Variants in DNAH10 observed in about 807,000 individuals in gnomAD.
DNAH10 encodes the protein axonemal beta dynein heavy chain 10.
A neutral mutation model predicts 506.6 loss-of-function variants in DNAH10; 348 were observed. The observed-to-expected ratio is 0.69, with a 90% CI of 0.63 to 0.75. DNAH10 has a LOEUF of 0.75. Ranked by LOEUF, DNAH10 falls within the 30% of genes least tolerant of loss-of-function variation. The probability of loss-of-function intolerance (pLI) is 0.00; values close to 1 mark genes in which losing one functional copy is unlikely to be tolerated. For synonymous variants in DNAH10, 2,059 were observed against 2,198.6 expected, an observed-to-expected ratio of 0.94 and a Z score of 1.78; for missense variants, 5,179 against 5,787.1, an observed-to-expected ratio of 0.89 and a Z score of 3.41.
At position 123,919,857 on chromosome 12, in the gene DNAH10, G is replaced by T. The variant is rs186907808; in HGVS notation, c.11506+908G>T. Among the ~76,000 whole-genome samples the T allele has an allele frequency of 6.6e-6, 1 of 152,172 alleles. No individual in the cohort carries two copies. Among genetic ancestry groups the T allele is most frequent in the South Asian group, 2.1e-4 (1 of 4,822 alleles). On this transcript the variant is annotated intron_variant, in intron 65 of 78. Coordinates refer to ENST00000673944, the MANE Select transcript of DNAH10 (RefSeq NM_001372106.1). This position sits in a 1 kb window ranked among gnomAD's most constrained non-coding sequence, Gnocchi z 4.9. The stretch of plus-strand genomic sequence containing the variant: ...CAGACCGCACTGTGTTTATCCACCC[G>T]TCACCTGATGGGCATTTGGGTTGTT...
rs750299404 is a variant in DNAH10, at chr12:123,838,532, A to T, written c.4979A>T (p.Asn1660Ile). The T allele has an allele frequency of 1.2e-5, 19 of 1,613,914 alleles. No homozygotes were observed. Among genetic ancestry groups the T allele is most frequent in the African/African-American group, 2.7e-5 (2 of 74,932 alleles). ...CCAAACCGCCTCAGTGACCTACAGA[A>T]CGTCAGCGAGGGCCTGGAGAAATGC... ...EAPNRLSDLQNVSEGLEKCQK... is the reference protein window; with the variant it reads ...EAPNRLSDLQIVSEGLEKCQK... The change falls in exon 29 of 79, where the codon AAC (asparagine) becomes ATC (isoleucine). Residue 1660 changes from asparagine to isoleucine, a missense_variant. Physicochemically the swap from Asn to Ile is moderately radical, Grantham distance 149 (BLOSUM62 -3). This residue lies in a region of DNAH10 where 4,844 missense variants were observed against 5,430.5 expected (regional missense o/e 0.89). Transcript: ENST00000673944.
At chr12:123,789,211 C>T (rs1425002713) in intron 10 of DNAH10, among the ~76,000 whole-genome samples, 1 of 152,030 alleles carries the variant, frequency 6.6e-6, no homozygotes, top group African/African-American at 2.4e-5. Context: ...TGCCACTGCA[C>T]TCCAGCCTGG....
intron 26 of DNAH10, among the ~76,000 whole-genome samples, chr12:123,831,719 C>T (rs1227967397): frequency 2.0e-5 from 3 of 151,872 alleles, no homozygotes; most frequent in Non-Finnish European, 2.9e-5. Flanking sequence ...GGTGAAACCC[C>T]GTCTCTACTA....
intron 43 of DNAH10, 100 bp from the exon 44 acceptor site, chr12:123,870,266 T>C: frequency 2.7e-6 from 4 of 1,472,856 alleles, no homozygotes; most frequent in Non-Finnish European, 3.7e-6. Context: ...ATGGCCTCCG[T>C]GCAGTACAAG....
chr12:123,799,507 G>T (rs1427457114), intron 14 of DNAH10, 136 bp downstream of exon 14: 2 of 1,229,044 alleles, frequency 1.6e-6, no homozygotes, highest in East Asian at 5.2e-5. Context: ...GGCTAGGGGA[G>T]GAGGAGAAAG....
chr12:123,915,330 G>A (rs1024537286), intron 62 of DNAH10, among the ~76,000 whole-genome samples: 2 of 152,160 alleles, frequency 1.3e-5, no homozygotes, highest in African/African-American at 2.4e-5. Context: ...GGGATGCAGG[G>A]GAGGAGAGGG....
chr12:123,928,234 G>T lies in DNAH10; in HGVS notation c.12106-153G>T. The T allele has an allele frequency of 1.2e-6, 1 of 835,456 alleles. No homozygotes were observed. Among genetic ancestry groups the T allele is most frequent in the South Asian group, 1.8e-5 (1 of 55,674 alleles). 51.8% of individuals were successfully genotyped at this position (835,456 alleles called of 1,614,324 possible). A position where few individuals can be genotyped will look rare whatever the true frequency, so the allele number is the denominator to read the frequency against. Reference sequence around the variant, plus strand: ...GGGGTTTCTCAAAGATGGTTTATTTGAAGGCTCCACCTGTAGCTCCTGGAT... The same window carrying T: ...GGGGTTTCTCAAAGATGGTTTATTTTAAGGCTCCACCTGTAGCTCCTGGAT... On this transcript the variant is annotated intron_variant, in intron 69 of 78. Coordinates refer to ENST00000673944, the MANE Select transcript of DNAH10 (RefSeq NM_001372106.1). The surrounding 1 kb of genome is among the most constrained non-coding windows in gnomAD (Gnocchi z 4.9).
rs116538988 is a variant in DNAH10, at chr12:123,821,632, C to T, written c.4179+874C>T. On this transcript the variant is annotated intron_variant, in intron 24 of 78. Transcript: ENST00000673944. The stretch of plus-strand genomic sequence containing the variant: ...ACAGGCATGAGCCATTGCACCCAGC[C>T]TGGAATTACATATTTTAAAATGATT... 9.4e-3 allele frequency among the ~76,000 whole-genome samples: 1,434 copies of T among 152,262 alleles called. 12 individuals carry two copies. The highest frequency in any genetic ancestry group is 0.031 in the African/African-American group (1,296 of 41,548).
chr12:123,811,434 T>C (rs1958928527), intron 19 of DNAH10, among the ~76,000 whole-genome samples: 2 of 152,132 alleles, frequency 1.3e-5, no homozygotes, highest in Non-Finnish European at 2.9e-5. Flanking sequence ...GTGATTCTCC[T>C]GCCTCAGCCT....
chr12:123,859,121 T>C (rs761972777), intron 37 of DNAH10, 29 bp from the exon 38 acceptor site: 2 of 1,577,494 alleles, frequency 1.3e-6, no homozygotes, highest in Admixed American at 1.8e-5. Context: ...GATAATGTTT[T>C]AGCCCAGCTG....
intron 55 of DNAH10, 32 bp downstream of exon 55, chr12:123,897,999 G>C: frequency 6.6e-7 from 1 of 1,522,346 alleles, no homozygotes. Flanking sequence ...GTTGACAAAA[G>C]TCATTATTAT....
At chr12:123,772,710 ACATTGTCAGAACATGAGACCAGC>A in intron 3 of DNAH10, 101 bp from the exon 4 acceptor site, 2 of 703,414 alleles carry the variant, frequency 2.8e-6, no homozygotes, top group East Asian at 5.5e-5. Flanking sequence ...GGCTGTGGCT[ACATTGTCAGAACATGAGACCAGC>A]CATTGTGTTG....
rs181214745 is a variant in DNAH10, at chr12:123,892,769, G to A, written c.8996-464G>A. The stretch of plus-strand genomic sequence containing the variant: ...GCGTGCCGTTGACATTTGGGGCTGG[G>A]CTGTTCTTTGTTGTGGTGGGGCTCT... On this transcript the variant is annotated intron_variant, in intron 52 of 78. Coordinates refer to ENST00000673944, the MANE Select transcript of DNAH10 (RefSeq NM_001372106.1). 1.6e-3 allele frequency among the ~76,000 whole-genome samples: 238 copies of A among 152,364 alleles called. 1 individual carries two copies. Among genetic ancestry groups the A allele is most frequent in the Admixed American group, 3.7e-3 (57 of 15,312 alleles).
At chr12:123,838,773 T>C in intron 29 of DNAH10, 84 bp downstream of exon 29, 1 of 1,284,482 alleles carries the variant, frequency 7.8e-7, no homozygotes, top group Non-Finnish European at 1.1e-6. Context: ...GCCATGAGGT[T>C]CAACCCAGAG....
intron 48 of DNAH10, among the ~76,000 whole-genome samples, chr12:123,878,984 G>GCA (rs1451639126): frequency 6.6e-6 from 1 of 152,206 alleles, no homozygotes; most frequent in Non-Finnish European, 1.5e-5. Flanking sequence ...TAGGGATGAT[G>GCA]TCAGGTACTT....
intron 47 of DNAH10, 131 bp from the exon 48 acceptor site, chr12:123,877,605 C>T (rs377511996): frequency 2.2e-5 from 28 of 1,288,100 alleles, no homozygotes; most frequent in African/African-American, 1.5e-4. Context: ...CATGAGCCAC[C>T]GTGACTGGCC....
At position 123,913,319 on chromosome 12, in the gene DNAH10, A is replaced by G. The variant is rs759622932; in HGVS notation, c.10352+4A>G. 3.8e-6 allele frequency: 6 copies of G among 1,581,394 alleles called. No homozygotes were observed. The highest frequency in any genetic ancestry group is 5.2e-6 in the Non-Finnish European group (6 of 1,163,600). On this transcript the variant is annotated splice_donor_region_variant and intron_variant, in intron 60 of 78. Coordinates refer to ENST00000673944, the MANE Select transcript of DNAH10 (RefSeq NM_001372106.1). This position sits in a 1 kb window ranked among gnomAD's most constrained non-coding sequence, Gnocchi z 5.1. The stretch of plus-strand genomic sequence containing the variant: ...GTCTGGGGTCAGAAAACATCAGGTT[A>G]GCGCTGCTCACGAGCCCACCTGTTG...
chr12:123,914,421 C>G lies in DNAH10; in HGVS notation c.10445C>G (p.Ala3482Gly), dbSNP rs1566095214. 6.2e-7 allele frequency: 1 copy of G among 1,613,740 alleles called. No homozygotes were observed. The highest frequency in any genetic ancestry group is 8.5e-7 in the Non-Finnish European group (1 of 1,179,902). ...LCAAFLSYEG[A>G]FTWEFRDEMV... ...GCGGCTTTCCTCAGCTACGAGGGAG[C>G]CTTCACCTGGGAGTTCCGTGACGAG... The change falls in exon 61 of 79, where the codon GCC becomes GGC. Residue 3482 changes from alanine to glycine, a missense_variant. Ala to Gly is a moderately conservative substitution (Grantham distance 60, BLOSUM62 0). Transcript: ENST00000673944.
At chr12:123,841,223 C>A in intron 29 of DNAH10, 99 bp from the exon 30 acceptor site, 1 of 1,287,914 alleles carries the variant, frequency 7.8e-7, no homozygotes, top group Non-Finnish European at 1.1e-6. Context: ...GTTGCCATTG[C>A]TTGCATCGTG....
Sources: gnomAD v4.1 joint callset for allele counts (sites outside exome capture counted in the v4.1 genomes callset) on GRCh38, gnomAD v4.1.1 for gene constraint, gnomAD v4.1.1 regional missense constraint, Gnocchi (gnomAD v3.1) non-coding constraint, MANE v1.5 for transcripts, NCBI Gene and HGNC (gene_info 2026-07-23, HGNC 2026-07-21) for gene names.